PLGLB1: variants seen among roughly 807,000 people sequenced by gnomAD.
The protein encoded by PLGLB1 is plasminogen like B1.
intron 1 of PLGLB1, among the ~76,000 whole-genome samples, chr2:87,020,947 G>A (rs1222733648): frequency 6.6e-6 from 1 of 151,854 alleles, no homozygotes; most frequent in African/African-American, 2.4e-5. Context: ...TCCCAGATTT[G>A]AGAATTTGGT....
chr2:87,012,963 C>G lies in PLGLB1; in HGVS notation c.*158G>C. On this transcript the variant is annotated 3_prime_UTR_variant, in exon 4 of 4. Transcript: ENST00000355705. ...AATCCCTCACAGACACAGACGGACACTTTACAGTAGATGAACACAAAGATG... is the reference window on the plus strand; with the variant it reads ...AATCCCTCACAGACACAGACGGACAGTTTACAGTAGATGAACACAAAGATG... The G allele has an allele frequency of 4.8e-6, 2 of 418,892 alleles. No homozygotes were observed. The highest frequency in any genetic ancestry group is 8.4e-6 in the Non-Finnish European group (2 of 236,790). 25.9% of individuals were successfully genotyped at this position (418,892 alleles called of 1,614,324 possible).
Position 87,010,967 on chromosome 2 carries a change from G to A in PLGLB1, c.*2154C>T, listed in dbSNP as rs1682196154. 1.1e-5 allele frequency among the ~76,000 whole-genome samples: 1 copy of A among 87,380 alleles called. No homozygotes were observed. Among genetic ancestry groups the A allele is most frequent in the Non-Finnish European group, 2.1e-5 (1 of 47,392 alleles). The allele number at this position is 87,380 out of a possible 152,430, so 57.3% of individuals were successfully genotyped here. A position where few individuals can be genotyped will look rare whatever the true frequency, so the allele number is the denominator to read the frequency against. ...TGAGCAAAGTTTTGCTCCTTTCCGAGAGGTGAACACGTTACGCAATTATTA... is the reference window on the plus strand; with the variant it reads ...TGAGCAAAGTTTTGCTCCTTTCCGAAAGGTGAACACGTTACGCAATTATTA... On this transcript the variant is annotated 3_prime_UTR_variant, in exon 4 of 4. Coordinates refer to ENST00000355705, the MANE Select transcript of PLGLB1 (RefSeq NM_001032392.4).
chr2:87,011,117 G>A lies in PLGLB1; in HGVS notation c.*2004C>T, dbSNP rs1682203092. 1 of 435,124 alleles carries A rather than the reference G, an allele frequency of 2.3e-6. No homozygotes were observed. Among genetic ancestry groups the A allele is most frequent in the Non-Finnish European group, 4.0e-6 (1 of 249,278 alleles). The allele number at this position is 435,124 out of a possible 1,614,324, so 27.0% of individuals were successfully genotyped here. On this transcript the variant is annotated 3_prime_UTR_variant, in exon 4 of 4. Transcript: ENST00000355705. ...GGAATGTCGCAGTAGTCATCTCTCT[G>A]TTCTGGATCAGTAGTATAGCACCAG...
At chr2:87,018,936 C>T (rs1682372193) in intron 1 of PLGLB1, among the ~76,000 whole-genome samples, 1 of 37,520 alleles carries the variant, frequency 2.7e-5, no homozygotes, top group Non-Finnish European at 4.4e-5. Context: ...CCAAAAGAGG[C>T]TAATAAAATG....
At chr2:87,019,085 G>A (rs1290058355) in intron 1 of PLGLB1, among the ~76,000 whole-genome samples, 4 of 111,070 alleles carry the variant, frequency 3.6e-5, no homozygotes, top group Non-Finnish European at 1.8e-5. Flanking sequence ...GACAAGCCTG[G>A]CTCTGAAGAC....
At chr2:87,021,257 T>C (rs1682415112) in intron 1 of PLGLB1, among the ~76,000 whole-genome samples, 1 of 72,118 alleles carries the variant, frequency 1.4e-5, no homozygotes, top group South Asian at 5.3e-4. Flanking sequence ...CCTCAGGCCA[T>C]AACAAAGGGA....
chr2:87,019,212 C>A (rs1682381132), intron 1 of PLGLB1, among the ~76,000 whole-genome samples: 1 of 82,416 alleles, frequency 1.2e-5, no homozygotes, highest in African/African-American at 7.0e-5. Flanking sequence ...TGAACAGATT[C>A]TCATTCTCAG....
chr2:87,021,283 T>C (rs1239714011), intron 1 of PLGLB1, among the ~76,000 whole-genome samples: 1 of 58,256 alleles, frequency 1.7e-5, no homozygotes, highest in African/African-American at 6.5e-5. Flanking sequence ...GCTGAATCCC[T>C]GACGCTGCCA....
intron 1 of PLGLB1, among the ~76,000 whole-genome samples, chr2:87,021,099 GGTAT>G (rs1440942845): frequency 4.3e-5 from 6 of 139,364 alleles, no homozygotes; most frequent in Non-Finnish European, 7.8e-5. Flanking sequence ...TTCACACACA[GGTAT>G]GTATGTATGT....
intron 1 of PLGLB1, among the ~76,000 whole-genome samples, chr2:87,019,080 G>A (rs1682378645): frequency 9.0e-6 from 1 of 110,814 alleles, no homozygotes; most frequent in Non-Finnish European, 1.8e-5. Flanking sequence ...CGGGAGACAA[G>A]CCTGGCTCTG....
At chr2:87,014,117 T>TTTATTAA (rs1682289690) in intron 3 of PLGLB1, 1 of 32,068 alleles carries the variant, frequency 3.1e-5, no homozygotes, top group African/African-American at 8.3e-5. Flanking sequence ...TGTCGAGATA[T>TTTATTAA]GGTCCACTTC....
chr2:87,016,093 CAAA>C (rs1221719154), intron 3 of PLGLB1: 1 of 114,646 alleles, frequency 8.7e-6, no homozygotes, highest in Non-Finnish European at 1.6e-5. Context: ...ATTTTTTGAA[CAAA>C]AAAAAATTAA....
chr2:87,014,730 C>CG (rs1682310259), intron 3 of PLGLB1, among the ~76,000 whole-genome samples: 1 of 123,352 alleles, frequency 8.1e-6, no homozygotes, highest in South Asian at 3.0e-4. Context: ...TAAATAATGC[C>CG]GGGCCCTGGC....
chr2:87,013,579 G>C (rs1682276836), intron 3 of PLGLB1: 1 of 73,826 alleles, frequency 1.4e-5, no homozygotes, highest in African/African-American at 6.5e-5. Context: ...GGCTGAAAGA[G>C]ATCCAACCCA....
At chr2:87,017,368 A>G (rs1682356515) in intron 2 of PLGLB1, 185 bp downstream of exon 2, 1 of 66,486 alleles carries the variant, frequency 1.5e-5, no homozygotes, top group Non-Finnish European at 3.4e-5. Flanking sequence ...TATTTTTCTA[A>G]TGAAGACTCC....
At chr2:87,013,484 C>T (rs2104872788) in intron 3 of PLGLB1, 1 of 150,690 alleles carries the variant, frequency 6.6e-6, no homozygotes, top group Non-Finnish European at 1.3e-5. Flanking sequence ...CTTGATGATA[C>T]ATGGATACAT....
At chr2:87,017,158 A>G (rs1431676411) in intron 2 of PLGLB1, among the ~76,000 whole-genome samples, 21 of 144,502 alleles carry the variant, frequency 1.5e-4, no homozygotes, top group Admixed American at 4.7e-4. Context: ...TTTTTTTAAC[A>G]TTATATCCAG....
chr2:87,013,369 G>T, intron 3 of PLGLB1: 1 of 127,754 alleles, frequency 7.8e-6, no homozygotes, highest in South Asian at 9.8e-5. Context: ...GGACACACGG[G>T]GCACAGTGCA....
At chr2:87,017,190 A>G (rs1270429250) in intron 2 of PLGLB1, among the ~76,000 whole-genome samples, 1 of 141,576 alleles carries the variant, frequency 7.1e-6, no homozygotes, top group East Asian at 2.0e-4. Flanking sequence ...ACTGAAGGGC[A>G]GGCACTGGAT....
Sources: allele counts gnomAD v4.1 joint callset (sites outside exome capture counted in the v4.1 genomes callset), GRCh38; gene constraint gnomAD v4.1.1; transcripts MANE v1.5; gene names NCBI Gene and HGNC (gene_info 2026-07-23, HGNC 2026-07-21).